The following LEMD3 variants were observed in gnomAD, a reference collection of about 807,000 sequenced individuals.
LEMD3 encodes LEM domain containing 3, also known as inner nuclear membrane protein Man1.
A neutral mutation model predicts 95.2 loss-of-function variants in LEMD3; 33 were observed. That is an observed-to-expected ratio of 0.35 (90% CI 0.26 to 0.46). The LOEUF (loss-of-function observed/expected upper bound fraction) is 0.46. LEMD3 is among the 20% of genes least tolerant of loss of function. LEMD3 has a pLI of 1.00. For missense variants in LEMD3, 1,210 were observed against 1,192.8 expected (o/e 1.01, Z -0.21); for synonymous variants, 525 against 474.6 (o/e 1.11, Z -1.38).
chr12:65,245,095 G>A (rs975927403), intron 10 of LEMD3, among the ~76,000 whole-genome samples: 11 of 151,786 alleles, frequency 7.2e-5, no homozygotes, highest in Non-Finnish European at 1.2e-4. Context: ...ATTCTGCAGC[G>A]GTGGGCTAGT....
chr12:65,228,296 C>A (rs1376317135), intron 4 of LEMD3, among the ~76,000 whole-genome samples: 1 of 151,944 alleles, frequency 6.6e-6, no homozygotes, highest in Non-Finnish European at 1.5e-5. Flanking sequence ...AGCACTCTTG[C>A]ATGAGTTAAA....
At chr12:65,231,310 TC>T (rs1040347298) in intron 4 of LEMD3, among the ~76,000 whole-genome samples, 4 of 152,174 alleles carry the variant, frequency 2.6e-5, no homozygotes, top group African/African-American at 7.2e-5. Flanking sequence ...AGGATTTTTT[TC>T]CCCCAAAAAT....
rs59336423 is a variant in LEMD3, at chr12:65,243,144, C to CT, written c.2306-234dup. Among the ~76,000 whole-genome samples, 2,315 of 148,330 alleles carry CT rather than the reference C, an allele frequency of 0.016. 86 individuals carry two copies. In the East Asian group the frequency reaches 0.17, roughly 11 times the overall value. On this transcript the variant is annotated intron_variant, in intron 9 of 12. Transcript: ENST00000308330. ...AGTTACTTTTAAAAAGCTTTTTGTA[C>CT]TTTTTTTTTTAAGGACTTAATCACA...
intron 1 of LEMD3, among the ~76,000 whole-genome samples, chr12:65,185,321 G>T (rs1869028080): frequency 6.6e-6 from 1 of 152,156 alleles, no homozygotes; most frequent in South Asian, 2.1e-4. Context: ...CCTTAAATGT[G>T]TAGTAGCTGG....
At chr12:65,187,315 T>G (rs1869097845) in intron 1 of LEMD3, among the ~76,000 whole-genome samples, 1 of 152,094 alleles carries the variant, frequency 6.6e-6, no homozygotes. Flanking sequence ...TGTAGAGACT[T>G]TAACAATTCA....
intron 1 of LEMD3, among the ~76,000 whole-genome samples, chr12:65,181,215 T>C (rs1038004283): frequency 6.6e-6 from 1 of 152,206 alleles, no homozygotes; most frequent in Admixed American, 6.5e-5. Context: ...ATTAAGGACT[T>C]CCTTAGTTTA....
intron 1 of LEMD3, among the ~76,000 whole-genome samples, chr12:65,176,400 G>A (rs562782744): frequency 2.0e-5 from 3 of 152,214 alleles, no homozygotes; most frequent in East Asian, 3.9e-4. Flanking sequence ...TTTTGGGAAT[G>A]TTTCTTTATT....
intron 1 of LEMD3, among the ~76,000 whole-genome samples, chr12:65,198,425 AAAAATT>A (rs1316276864): frequency 1.3e-5 from 2 of 152,146 alleles, no homozygotes; most frequent in Admixed American, 1.3e-4. Flanking sequence ...TTTAAGTAAT[AAAAATT>A]ACAAAAATAA....
At chr12:65,180,441 G>T (rs1008994156) in intron 1 of LEMD3, among the ~76,000 whole-genome samples, 1 of 150,358 alleles carries the variant, frequency 6.7e-6, no homozygotes, top group Non-Finnish European at 1.5e-5. Flanking sequence ...AAATAAGTTA[G>T]GTTTTAATAA....
At chr12:65,226,751 C>G (rs934109190) in intron 4 of LEMD3, among the ~76,000 whole-genome samples, 14 of 152,170 alleles carry the variant, frequency 9.2e-5, no homozygotes, top group African/African-American at 2.7e-4. Flanking sequence ...ACATGTTTCT[C>G]TGTGAATGTG....
rs76863054 is a variant in LEMD3, at chr12:65,200,860, A to G, written c.1523-10066A>G. ...TCATGGATTATGTGTTTGCTGTTGT[A>G]TCTAAAAAGTCATTGCCAAACCCTG... On this transcript the variant is annotated intron_variant, in intron 1 of 12. Transcript: ENST00000308330. 6.4e-3 allele frequency among the ~76,000 whole-genome samples: 973 copies of G among 152,186 alleles called. 47 individuals carry two copies. The East Asian group carries it at 0.1, about 16-fold the overall frequency.
chr12:65,197,826 G>T (rs1186211319), intron 1 of LEMD3, among the ~76,000 whole-genome samples: 1 of 152,038 alleles, frequency 6.6e-6, no homozygotes, highest in Non-Finnish European at 1.5e-5. Context: ...TTCAGTGAAT[G>T]GAGGGGAAAC....
At chr12:65,232,747 A>C (rs938988782) in intron 4 of LEMD3, among the ~76,000 whole-genome samples, 1 of 152,140 alleles carries the variant, frequency 6.6e-6, no homozygotes, top group Non-Finnish European at 1.5e-5. Flanking sequence ...GTGAAAATAC[A>C]TGATTGGTTT....
chr12:65,184,851 C>A (rs1036957862), intron 1 of LEMD3, among the ~76,000 whole-genome samples: 4 of 152,048 alleles, frequency 2.6e-5, no homozygotes, highest in Non-Finnish European at 4.4e-5. Context: ...TGGGTAAAAA[C>A]CTTAGCAACA....
intron 4 of LEMD3, among the ~76,000 whole-genome samples, chr12:65,221,416 C>T (rs112460851): frequency 0.033 from 5,036 of 151,932 alleles, 277 homozygotes; most frequent in African/African-American, 0.12. Context: ...GAGATAGGGG[C>T]CTTGCTATGT....
At chr12:65,225,001 T>C (rs1228300254) in intron 4 of LEMD3, among the ~76,000 whole-genome samples, 1 of 152,186 alleles carries the variant, frequency 6.6e-6, no homozygotes, top group Non-Finnish European at 1.5e-5. Flanking sequence ...TGATTCTTTC[T>C]TCTGTTTGAT....
intron 1 of LEMD3, among the ~76,000 whole-genome samples, chr12:65,201,673 GT>G (rs561698114): frequency 1.3e-5 from 2 of 151,890 alleles, no homozygotes; most frequent in Non-Finnish European, 2.9e-5. Flanking sequence ...AGTTCCAGGA[GT>G]TTTTTTTGAT....
At chr12:65,236,759 TAAG>T (rs1870785374) in intron 4 of LEMD3, among the ~76,000 whole-genome samples, 1 of 152,140 alleles carries the variant, frequency 6.6e-6, no homozygotes, top group Non-Finnish European at 1.5e-5. Context: ...TGTTCATTAA[TAAG>T]GTGTTGATTA....
At chr12:65,230,848 C>T (rs1306175652) in intron 4 of LEMD3, among the ~76,000 whole-genome samples, 1 of 152,128 alleles carries the variant, frequency 6.6e-6, no homozygotes, top group Non-Finnish European at 1.5e-5. Context: ...ATAGGGAAAG[C>T]TTTCAGCTTT....
Sources: allele counts gnomAD v4.1 joint callset (sites outside exome capture counted in the v4.1 genomes callset), GRCh38; gene constraint gnomAD v4.1.1; transcripts MANE v1.5; gene names NCBI Gene and HGNC (gene_info 2026-07-23, HGNC 2026-07-21).